Variants in AK5 observed in about 807,000 individuals in gnomAD.
The protein encoded by AK5 is adenylate kinase 5.
Under a neutral mutation model 69.5 loss-of-function variants are expected in AK5, and 27 were observed. The ratio of observed to expected loss-of-function variants is 0.39; its 90% CI spans 0.29 to 0.54. AK5 has a LOEUF of 0.54. Among genes scored for constraint, AK5 ranks in the 20% least tolerant of loss-of-function variants. AK5 has a pLI of 0.71. For synonymous variants in AK5, 260 were observed against 244.4 expected, an observed-to-expected ratio of 1.06 and a Z score of -0.60; for missense variants, 531 against 700.4, an observed-to-expected ratio of 0.76 and a Z score of 2.73.
intron 6 of AK5, among the ~76,000 whole-genome samples, chr1:77,393,767 T>A (rs567865243): frequency 6.6e-6 from 1 of 152,252 alleles, no homozygotes; most frequent in South Asian, 2.1e-4. Context: ...TCCTCCAGAG[T>A]CACATAGCTA....
chr1:77,474,530 G>A lies in AK5; in HGVS notation c.1060-8787G>A, dbSNP rs560173790. ...GCTTCGGAGTGGTTGATGGAAAACT[G>A]TTGCTTCTATGACAGTGATGATCAA... On this transcript the variant is annotated intron_variant, in intron 8 of 13. Coordinates refer to ENST00000354567, the MANE Select transcript of AK5 (RefSeq NM_174858.3). Among the ~76,000 whole-genome samples, 6 of 152,294 alleles carry A rather than the reference G, an allele frequency of 3.9e-5. No individual in the cohort carries two copies. The South Asian group carries it at 1.0e-3, about 26-fold the overall frequency.
At chr1:77,461,911 T>G (rs2100677778) in intron 8 of AK5, among the ~76,000 whole-genome samples, 1 of 152,352 alleles carries the variant, frequency 6.6e-6, no homozygotes, top group Admixed American at 6.5e-5. Flanking sequence ...GATGATATAT[T>G]TGTTAATTAG....
chr1:77,536,507 T>G (rs955960904), intron 13 of AK5, among the ~76,000 whole-genome samples: 1 of 152,206 alleles, frequency 6.6e-6, no homozygotes, highest in African/African-American at 2.4e-5. Context: ...TACTCTTCAC[T>G]TCTATTTCAA....
chr1:77,467,652 C>A (rs1318022954), intron 8 of AK5, among the ~76,000 whole-genome samples: 1 of 152,088 alleles, frequency 6.6e-6, no homozygotes, highest in Admixed American at 6.6e-5. Context: ...GCTTTTAATT[C>A]TTCGATTTTA....
chr1:77,550,208 A>G (rs1659753954), intron 13 of AK5, among the ~76,000 whole-genome samples: 1 of 152,162 alleles, frequency 6.6e-6, no homozygotes, highest in Non-Finnish European at 1.5e-5. Context: ...CTCCTAAAGC[A>G]TGGGCAGTTT....
intron 10 of AK5, among the ~76,000 whole-genome samples, chr1:77,504,911 G>A (rs924392480): frequency 2.6e-5 from 4 of 152,066 alleles, no homozygotes; most frequent in African/African-American, 7.2e-5. Flanking sequence ...ACCTATGATT[G>A]TGTTGTCATA....
intron 10 of AK5, among the ~76,000 whole-genome samples, chr1:77,494,218 A>G (rs1311083365): frequency 1.3e-5 from 2 of 152,228 alleles, no homozygotes; most frequent in Non-Finnish European, 2.9e-5. Context: ...CAGCTGAGTC[A>G]CCTGATGAAG....
At chr1:77,553,416 T>C (rs538689709) in intron 13 of AK5, among the ~76,000 whole-genome samples, 2 of 152,330 alleles carry the variant, frequency 1.3e-5, no homozygotes, top group African/African-American at 2.4e-5. Context: ...TAACTGAGGC[T>C]GAAAAGTCCC....
chr1:77,438,690 A>G (rs1652123426), intron 8 of AK5, among the ~76,000 whole-genome samples: 1 of 152,206 alleles, frequency 6.6e-6, no homozygotes, highest in African/African-American at 2.4e-5. Flanking sequence ...GAGTGCTCAC[A>G]AAAATGTTAA....
intron 6 of AK5, among the ~76,000 whole-genome samples, chr1:77,352,135 G>A (rs1008217713): frequency 5.9e-5 from 9 of 151,540 alleles, no homozygotes; most frequent in Non-Finnish European, 1.0e-4. Context: ...TCACCATGTT[G>A]GCCAGGGTGG....
chr1:77,378,956 T>C (rs115900588), intron 6 of AK5, among the ~76,000 whole-genome samples: 377 of 152,292 alleles, frequency 2.5e-3, no homozygotes, highest in Non-Finnish European at 4.8e-3. Flanking sequence ...CCTGCTTTCA[T>C]AGTCTTGGAG....
intron 5 of AK5, among the ~76,000 whole-genome samples, chr1:77,304,019 C>T (rs1003293715): frequency 3.3e-5 from 5 of 152,136 alleles, no homozygotes; most frequent in Admixed American, 1.3e-4. Context: ...TCCAATTACA[C>T]TCTTTAAGTT....
At chr1:77,331,834 TG>T (rs778317429) in intron 5 of AK5, among the ~76,000 whole-genome samples, 1 of 152,222 alleles carries the variant, frequency 6.6e-6, no homozygotes, top group Non-Finnish European at 1.5e-5. Flanking sequence ...GTTTTGTTTT[TG>T]TGAGAGTTTT....
intron 12 of AK5, among the ~76,000 whole-genome samples, chr1:77,523,180 T>C (rs1658092048): frequency 6.6e-6 from 1 of 152,164 alleles, no homozygotes; most frequent in South Asian, 2.1e-4. Flanking sequence ...TCAAGGTCAA[T>C]TGCTCATCTT....
intron 13 of AK5, among the ~76,000 whole-genome samples, chr1:77,550,426 A>T (rs1290044085): frequency 6.6e-6 from 1 of 152,224 alleles, no homozygotes; most frequent in Non-Finnish European, 1.5e-5. Flanking sequence ...TTAATATTAT[A>T]ATAATTGATT....
At position 77,407,435 on chromosome 1, in the gene AK5, A is replaced by C. The variant is rs150038270; in HGVS notation, c.892-3546A>C. On this transcript the variant is annotated intron_variant, in intron 6 of 13. Coordinates refer to ENST00000354567, the MANE Select transcript of AK5 (RefSeq NM_174858.3). Reference sequence around the variant, plus strand: ...TACGGTATTATTCATTTTATGTAAAAATCTAGAAAATGTAAAATAATCTGT... The same window carrying C: ...TACGGTATTATTCATTTTATGTAAACATCTAGAAAATGTAAAATAATCTGT... Among the ~76,000 whole-genome samples, 15 of 152,306 alleles carry C rather than the reference A, an allele frequency of 9.8e-5. 1 individual carries two copies. The East Asian group carries it at 2.9e-3, about 29-fold the overall frequency.
intron 8 of AK5, among the ~76,000 whole-genome samples, chr1:77,430,872 A>G (rs1651592305): frequency 6.6e-6 from 1 of 152,222 alleles, no homozygotes; most frequent in South Asian, 2.1e-4. Context: ...ACAAAGCGCT[A>G]TAAAGTGAAG....
intron 13 of AK5, among the ~76,000 whole-genome samples, chr1:77,536,875 T>G (rs1659001152): frequency 1.3e-5 from 2 of 152,122 alleles, no homozygotes; most frequent in Admixed American, 1.3e-4. Context: ...ACAATGAAGA[T>G]AGTGTGAGGA....
intron 5 of AK5, among the ~76,000 whole-genome samples, chr1:77,333,686 C>T (rs1661207851): frequency 6.6e-6 from 1 of 152,144 alleles, no homozygotes; most frequent in African/African-American, 2.4e-5. Flanking sequence ...TGGAACACAG[C>T]CATGCCCATT....
Sources: gnomAD v4.1 joint callset for allele counts (sites outside exome capture counted in the v4.1 genomes callset) on GRCh38, gnomAD v4.1.1 for gene constraint, MANE v1.5 for transcripts, NCBI Gene and HGNC (gene_info 2026-07-23, HGNC 2026-07-21) for gene names.